Variants in CLEC16A observed in about 807,000 individuals in gnomAD.
The protein encoded by CLEC16A is protein CLEC16A.
In CLEC16A, 51 loss-of-function variants were observed where a neutral mutation model predicts 109.5. The ratio of observed to expected loss-of-function variants is 0.47; its 90% CI spans 0.37 to 0.59. The LOEUF (loss-of-function observed/expected upper bound fraction) is 0.59. Among genes scored for constraint, CLEC16A ranks in the 20% least tolerant of loss-of-function variants. The pLI is 0.00. For missense variants in CLEC16A, 1,339 were observed against 1,394.0 expected (o/e 0.96, Z 0.63); for synonymous variants, 673 against 564.2 (o/e 1.19, Z -2.73).
chr16:10,962,338 C>G, intron 2 of CLEC16A, 117 bp from the exon 3 acceptor site: 1 of 1,219,772 alleles, frequency 8.2e-7, no homozygotes, highest in Non-Finnish European at 1.2e-6. Flanking sequence ...ATGACCTGTG[C>G]AGATACCTTG....
chr16:11,171,194 C>T (rs2068496504), intron 23 of CLEC16A, among the ~76,000 whole-genome samples: 1 of 152,210 alleles, frequency 6.6e-6, no homozygotes, highest in South Asian at 2.1e-4. Context: ...AGGCCCAGTA[C>T]AGGTGAGGGC....
chr16:10,988,767 G>C (rs922723159), intron 10 of CLEC16A, among the ~76,000 whole-genome samples: 1 of 152,142 alleles, frequency 6.6e-6, no homozygotes, highest in Non-Finnish European at 1.5e-5. Flanking sequence ...CCGGGCCTCA[G>C]TTTCTTACCT....
chr16:11,145,581 G>A (rs117415351), intron 22 of CLEC16A, among the ~76,000 whole-genome samples: 51 of 152,364 alleles, frequency 3.3e-4, no homozygotes, highest in Non-Finnish European at 6.6e-4. Flanking sequence ...GGTCTCTGTC[G>A]CAACAAGCCT....
intron 19 of CLEC16A, among the ~76,000 whole-genome samples, chr16:11,085,211 G>T (rs977640851): frequency 3.3e-5 from 5 of 152,246 alleles, no homozygotes; most frequent in Admixed American, 3.3e-4. Flanking sequence ...GTTCCAGGAG[G>T]ATCACGGGAA....
intron 2 of CLEC16A, among the ~76,000 whole-genome samples, chr16:10,959,410 G>C (rs1016286492): frequency 2.0e-5 from 3 of 152,056 alleles, no homozygotes; most frequent in African/African-American, 7.2e-5. Flanking sequence ...TTTGTTTTGT[G>C]AGATGGAGTC....
chr16:10,968,505 A>G (rs556439363), intron 3 of CLEC16A, among the ~76,000 whole-genome samples: 8 of 152,212 alleles, frequency 5.3e-5, no homozygotes, highest in Non-Finnish European at 1.0e-4. Context: ...CCCATAATGC[A>G]TGACAAACTC....
intron 19 of CLEC16A, among the ~76,000 whole-genome samples, chr16:11,072,916 C>T (rs2049150200): frequency 1.3e-5 from 2 of 152,146 alleles, no homozygotes; most frequent in South Asian, 4.1e-4. Context: ...GGCTTGTTAA[C>T]TAGATAATAA....
chr16:11,077,654 G>C (rs2049456020), intron 19 of CLEC16A, among the ~76,000 whole-genome samples: 1 of 152,046 alleles, frequency 6.6e-6, no homozygotes, highest in African/African-American at 2.4e-5. Context: ...GTGAGACCCT[G>C]TCAAAAACAA....
At chr16:11,026,934 C>T in intron 13 of CLEC16A, 2 of 1,118,854 alleles carry the variant, frequency 1.8e-6, no homozygotes, top group Non-Finnish European at 2.7e-6. Flanking sequence ...TGAGCTAGAA[C>T]AGACGTCTCT....
At chr16:11,121,033 C>T (rs2052372167) in intron 20 of CLEC16A, among the ~76,000 whole-genome samples, 1 of 152,194 alleles carries the variant, frequency 6.6e-6, no homozygotes, top group South Asian at 2.1e-4. Context: ...TGTGACCTTT[C>T]CAGATCTGTT....
intron 19 of CLEC16A, among the ~76,000 whole-genome samples, chr16:11,097,614 G>A (rs947859737): frequency 5.3e-5 from 8 of 152,152 alleles, no homozygotes; most frequent in African/African-American, 1.9e-4. Context: ...CAATCCATCA[G>A]TCCTGGGGTT....
intron 11 of CLEC16A, among the ~76,000 whole-genome samples, chr16:11,016,715 GT>G (rs1439062139): frequency 6.6e-6 from 1 of 152,042 alleles, no homozygotes; most frequent in Non-Finnish European, 1.5e-5. Context: ...TGACTCACTT[GT>G]TTTTTTCCCA....
intron 3 of CLEC16A, among the ~76,000 whole-genome samples, chr16:10,968,898 A>G (rs904047912): frequency 3.9e-5 from 6 of 152,086 alleles, no homozygotes; most frequent in Admixed American, 3.3e-4. Flanking sequence ...ATGAAAAGAA[A>G]ATGTTGGAGT....
At chr16:11,026,203 T>G (rs543636965) in intron 13 of CLEC16A, among the ~76,000 whole-genome samples, 9 of 152,230 alleles carry the variant, frequency 5.9e-5, no homozygotes, top group Non-Finnish European at 1.2e-4. Context: ...TTGAGAAATA[T>G]TATCTTCTCC....
intron 19 of CLEC16A, among the ~76,000 whole-genome samples, chr16:11,068,971 C>A (rs998269312): frequency 1.3e-5 from 2 of 151,026 alleles, no homozygotes; most frequent in African/African-American, 4.9e-5. Flanking sequence ...CATGCCATCA[C>A]GCCTGGCTAA....
At chr16:11,028,554 A>C (rs2046557618) in intron 13 of CLEC16A, among the ~76,000 whole-genome samples, 1 of 152,164 alleles carries the variant, frequency 6.6e-6, no homozygotes, top group African/African-American at 2.4e-5. Flanking sequence ...AAAAAAAAAA[A>C]AAAAGAAGCT....
intron 22 of CLEC16A, among the ~76,000 whole-genome samples, chr16:11,155,413 C>T (rs571004556): frequency 5.9e-5 from 9 of 152,340 alleles, no homozygotes; most frequent in African/African-American, 2.2e-4. Flanking sequence ...GTAAAAGTGA[C>T]AAGCCTAAAG....
intron 19 of CLEC16A, among the ~76,000 whole-genome samples, chr16:11,107,337 A>C (rs1038060894): frequency 1.4e-4 from 21 of 151,996 alleles, no homozygotes; most frequent in African/African-American, 5.1e-4. Context: ...AGGAAATATC[A>C]CACTTCACAA....
chr16:11,048,813 G>T (rs541739522), intron 17 of CLEC16A, among the ~76,000 whole-genome samples: 2 of 152,010 alleles, frequency 1.3e-5, no homozygotes, highest in Admixed American at 6.5e-5. Flanking sequence ...GGATTCAGTT[G>T]TCATTTGTTA....
Sources: allele counts gnomAD v4.1 joint callset (sites outside exome capture counted in the v4.1 genomes callset), GRCh38; gene constraint gnomAD v4.1.1; transcripts MANE v1.5; gene names NCBI Gene and HGNC (gene_info 2026-07-23, HGNC 2026-07-21).